The following CCDC171 variants were observed in gnomAD, a reference collection of about 807,000 sequenced individuals.
CCDC171 encodes the protein coiled-coil domain-containing protein 171.
In CCDC171, 177 loss-of-function variants were observed where a neutral mutation model predicts 168.2. The ratio of observed to expected loss-of-function variants is 1.05; its 90% CI spans 0.93 to 1.19. The LOEUF is 1.19. CCDC171 is among the 50% of genes most tolerant of loss of function. The pLI, the probability that CCDC171 is intolerant of heterozygous loss-of-function variation, is 0.00. For synonymous variants in CCDC171, 687 were observed against 540.8 expected (o/e 1.27, Z -3.75); for missense variants, 1,991 against 1,539.0 (o/e 1.29, Z -4.91).
At chr9:15,963,345 C>G (rs60354508) in intron 25 of CCDC171, among the ~76,000 whole-genome samples, 2 of 151,838 alleles carry the variant, frequency 1.3e-5, no homozygotes, top group Non-Finnish European at 2.9e-5. Flanking sequence ...AAAAATCACT[C>G]TTAAAGTTAA....
At chr9:15,710,101 A>T (rs1304890870) in intron 11 of CCDC171, among the ~76,000 whole-genome samples, 1 of 152,160 alleles carries the variant, frequency 6.6e-6, no homozygotes, top group Non-Finnish European at 1.5e-5. Context: ...CTTTGACTCT[A>T]AAAAATGAAG....
At chr9:15,701,823 C>T (rs138331522) in intron 11 of CCDC171, among the ~76,000 whole-genome samples, 2 of 152,092 alleles carry the variant, frequency 1.3e-5, no homozygotes, top group African/African-American at 4.8e-5. Context: ...CAACTTCTTC[C>T]AAATTCCTGT....
the CCDC171 span, among the ~76,000 whole-genome samples, chr9:16,094,911 A>C: frequency 6.6e-6 from 1 of 152,282 alleles, no homozygotes; most frequent in South Asian, 2.1e-4. Context: ...TCCTGGGGGC[A>C]GATTTCCCCG....
chr9:15,835,758 T>C (rs767707403), intron 21 of CCDC171, among the ~76,000 whole-genome samples: 7 of 152,184 alleles, frequency 4.6e-5, no homozygotes, highest in Admixed American at 6.5e-5. Context: ...ATAAAGTTTA[T>C]ACATATTATA....
chr9:15,750,250 C>G (rs1428855971), intron 18 of CCDC171, among the ~76,000 whole-genome samples: 1 of 151,828 alleles, frequency 6.6e-6, no homozygotes, highest in Non-Finnish European at 1.5e-5. Flanking sequence ...ACACATACAC[C>G]CTCCCAAGAC....
At chr9:15,812,944 C>T (rs1368656881) in intron 21 of CCDC171, among the ~76,000 whole-genome samples, 1 of 152,178 alleles carries the variant, frequency 6.6e-6, no homozygotes, top group African/African-American at 2.4e-5. Context: ...GTGGTAACTA[C>T]TGAGCACTAT....
intron 21 of CCDC171, among the ~76,000 whole-genome samples, chr9:15,830,968 AT>A (rs71325936): frequency 0.017 from 2,108 of 122,946 alleles, 31 homozygotes; most frequent in African/African-American, 0.06. Context: ...CCATATCTTA[AT>A]TTTTTTTTTT....
chr9:15,752,741 G>A (rs1342916371), intron 18 of CCDC171, among the ~76,000 whole-genome samples: 1 of 152,050 alleles, frequency 6.6e-6, no homozygotes, highest in Non-Finnish European at 1.5e-5. Flanking sequence ...AGGGCTTGTC[G>A]GGGGTGTGGG....
intron 9 of CCDC171, among the ~76,000 whole-genome samples, chr9:15,678,084 A>G (rs1438497815): frequency 6.7e-6 from 1 of 149,658 alleles, no homozygotes; most frequent in Non-Finnish European, 1.5e-5. Flanking sequence ...TGATATTTAA[A>G]TTGTTTTGTA....
At chr9:15,647,569 C>G (rs935581174) in intron 7 of CCDC171, among the ~76,000 whole-genome samples, 9 of 152,042 alleles carry the variant, frequency 5.9e-5, no homozygotes, top group African/African-American at 2.2e-4. Context: ...GGGGATATCA[C>G]CACCGATTCC....
At chr9:16,082,353 A>G in the CCDC171 span, among the ~76,000 whole-genome samples, 2 of 152,226 alleles carry the variant, frequency 1.3e-5, no homozygotes, top group African/African-American at 2.4e-5. Flanking sequence ...GAATCAATTC[A>G]TGGCTTCATA....
upstream of CCDC171, among the ~76,000 whole-genome samples, chr9:16,038,174 T>C (rs1232346285): frequency 6.6e-6 from 1 of 152,164 alleles, no homozygotes; most frequent in African/African-American, 2.4e-5. Context: ...TTTGCAATTA[T>C]ATAGCCAGCT....
At chr9:15,905,570 G>A (rs1343869591) in intron 24 of CCDC171, among the ~76,000 whole-genome samples, 6 of 152,052 alleles carry the variant, frequency 3.9e-5, no homozygotes, top group African/African-American at 1.2e-4. Context: ...AGAGAAAGCA[G>A]GAAAGATCTA....
intron 3 of CCDC171, among the ~76,000 whole-genome samples, chr9:15,997,941 T>A (rs1243548001): frequency 6.6e-6 from 1 of 152,202 alleles, no homozygotes; most frequent in African/African-American, 2.4e-5. Flanking sequence ...CCTGCCAAGA[T>A]GGTGACTCTT....
chr9:16,002,005 T>G (rs533072868), intron 3 of CCDC171, among the ~76,000 whole-genome samples: 3 of 151,714 alleles, frequency 2.0e-5, no homozygotes, highest in African/African-American at 7.3e-5. Context: ...GCCCATCTGA[T>G]TTTTTGTAGA....
chr9:16,001,059 A>G (rs1359107065), intron 3 of CCDC171, among the ~76,000 whole-genome samples: 1 of 152,150 alleles, frequency 6.6e-6, no homozygotes, highest in South Asian at 2.1e-4. Context: ...GGTTGTATGT[A>G]TATATTGGAA....
chr9:15,921,723 A>G (rs1825354297), intron 25 of CCDC171, among the ~76,000 whole-genome samples: 2 of 151,570 alleles, frequency 1.3e-5, no homozygotes, highest in South Asian at 4.1e-4. Context: ...TTAATGAGAG[A>G]TTAGTAAATT....
intron 7 of CCDC171, among the ~76,000 whole-genome samples, chr9:15,623,712 A>G (rs2044776898): frequency 6.6e-6 from 1 of 152,186 alleles, no homozygotes; most frequent in South Asian, 2.1e-4. Flanking sequence ...GTTTGAGAGT[A>G]ATTGTTTACA....
intron 24 of CCDC171, among the ~76,000 whole-genome samples, chr9:15,908,267 C>A (rs202094218): frequency 9.9e-5 from 15 of 152,064 alleles, no homozygotes; most frequent in Admixed American, 2.0e-4. Flanking sequence ...AATGTCCAAC[C>A]ATGATAGACT....
Sources: allele counts gnomAD v4.1 joint callset (sites outside exome capture counted in the v4.1 genomes callset), GRCh38; gene constraint gnomAD v4.1.1; transcripts MANE v1.5; gene names NCBI Gene and HGNC (gene_info 2026-07-23, HGNC 2026-07-21).